SORBS2: variants seen among roughly 807,000 people sequenced by gnomAD.
SORBS2 encodes the protein sorbin and SH3 domain-containing protein 2.
A neutral mutation model predicts 97.7 loss-of-function variants in SORBS2; 46 were observed. The observed-to-expected ratio is 0.47, with a 90% CI of 0.37 to 0.60. SORBS2 has a LOEUF of 0.60. SORBS2 is among the 20% of genes least tolerant of loss of function. SORBS2 has a pLI of 0.00. For synonymous variants in SORBS2, 476 were observed against 473.4 expected, an observed-to-expected ratio of 1.01 and a Z score of -0.07; for missense variants, 1,316 against 1,282.3, an observed-to-expected ratio of 1.03 and a Z score of -0.40.
At chr4:185,701,329 A>G (rs562692285) in intron 2 of SORBS2, among the ~76,000 whole-genome samples, 1 of 152,208 alleles carries the variant, frequency 6.6e-6, no homozygotes, top group Non-Finnish European at 1.5e-5. Flanking sequence ...ATCACCTTAC[A>G]GATCCAACCT....
At chr4:185,633,790 T>C (rs2096947244) in intron 4 of SORBS2, among the ~76,000 whole-genome samples, 1 of 80,934 alleles carries the variant, frequency 1.2e-5, no homozygotes, top group Admixed American at 1.1e-4. Context: ...TGCACTCTAC[T>C]TTTTTTTTTA....
chr4:185,721,785 A>T (rs1275110528), intron 2 of SORBS2, among the ~76,000 whole-genome samples: 4 of 152,236 alleles, frequency 2.6e-5, no homozygotes, highest in Non-Finnish European at 5.9e-5. Context: ...AATCAATCAC[A>T]TGAGGAGTGG....
intron 1 of SORBS2, chr4:185,810,890 T>C (rs1212209138): frequency 2.0e-5 from 3 of 152,188 alleles, no homozygotes; most frequent in African/African-American, 7.2e-5. Flanking sequence ...GAAACCTATC[T>C]GCTTGTGAGA....
intron 4 of SORBS2, among the ~76,000 whole-genome samples, chr4:185,631,769 A>AG (rs1462115005): frequency 7.9e-6 from 1 of 125,980 alleles, no homozygotes; most frequent in East Asian, 2.0e-4. Flanking sequence ...TCTCAAAAAA[A>AG]CAAAAACAAA....
chr4:185,715,979 T>C (rs984001257), intron 2 of SORBS2, among the ~76,000 whole-genome samples: 2 of 152,248 alleles, frequency 1.3e-5, no homozygotes, highest in African/African-American at 4.8e-5. Context: ...AACATCTTTT[T>C]CTATGGCAAG....
chr4:185,597,458 T>G (rs1462422415), intron 12 of SORBS2, among the ~76,000 whole-genome samples: 2 of 152,214 alleles, frequency 1.3e-5, no homozygotes, highest in South Asian at 2.1e-4. Flanking sequence ...CAACTCCATT[T>G]TGCAGAATGG....
At chr4:185,894,926 T>G (rs2099244284) in intron 1 of SORBS2, among the ~76,000 whole-genome samples, 1 of 152,162 alleles carries the variant, frequency 6.6e-6, no homozygotes, top group South Asian at 2.1e-4. Flanking sequence ...GGGGAGCCAG[T>G]GACTGAGCCG....
chr4:185,865,151 C>T (rs990270873), intron 1 of SORBS2, among the ~76,000 whole-genome samples: 1 of 152,092 alleles, frequency 6.6e-6, no homozygotes, highest in Non-Finnish European at 1.5e-5. Flanking sequence ...GATATGGCTG[C>T]CAAGATGGAG....
intron 2 of SORBS2, among the ~76,000 whole-genome samples, chr4:185,731,828 CTCTT>C (rs1458964791): frequency 2.3e-5 from 2 of 88,628 alleles, no homozygotes; most frequent in South Asian, 4.6e-4. Context: ...GCCTGTCTCT[CTCTT>C]TCTCTCTCTC....
At chr4:185,795,403 T>C (rs1212557831) in intron 1 of SORBS2, among the ~76,000 whole-genome samples, 1 of 152,132 alleles carries the variant, frequency 6.6e-6, no homozygotes, top group East Asian at 1.9e-4. Flanking sequence ...CTTTGATCTG[T>C]ACCTTCAGAG....
intron 1 of SORBS2, among the ~76,000 whole-genome samples, chr4:185,797,430 A>G (rs950252329): frequency 1.3e-5 from 2 of 152,102 alleles, no homozygotes; most frequent in Non-Finnish European, 2.9e-5. Flanking sequence ...TTTCCTCTGT[A>G]AAGAAGCTCC....
exon 15 of SORBS2, chr4:185,586,440 C>T (rs1402130103): frequency 1.3e-5 from 2 of 152,702 alleles, no homozygotes; most frequent in Middle Eastern, 3.4e-3. Flanking sequence ...CAACATATTC[C>T]TGTCCTCAAA....
chr4:185,898,089 T>G (rs2099245918), intron 1 of SORBS2, among the ~76,000 whole-genome samples: 1 of 152,190 alleles, frequency 6.6e-6, no homozygotes, highest in Admixed American at 6.5e-5. Context: ...GGGCTAACAT[T>G]CCATCTAAGC....
intron 1 of SORBS2, among the ~76,000 whole-genome samples, chr4:185,929,106 T>C (rs951282440): frequency 1.3e-5 from 2 of 152,178 alleles, no homozygotes; most frequent in African/African-American, 4.8e-5. Flanking sequence ...TTTCCACCTA[T>C]AGAAAGAGAA....
At chr4:185,847,611 A>G (rs2099215342) in intron 1 of SORBS2, among the ~76,000 whole-genome samples, 1 of 152,148 alleles carries the variant, frequency 6.6e-6, no homozygotes. Flanking sequence ...CATGTGTGAA[A>G]TTCCACTCCA....
At chr4:185,651,763 G>A (rs375562686) in intron 2 of SORBS2, 21 bp downstream of exon 11, 22 of 1,399,788 alleles carry the variant, frequency 1.6e-5, no homozygotes, top group Non-Finnish European at 2.0e-5. Context: ...TAGTCATTGC[G>A]AGCAAGGAAA....
intron 1 of SORBS2, among the ~76,000 whole-genome samples, chr4:185,831,242 T>C (rs1253999607): frequency 1.3e-5 from 2 of 152,188 alleles, no homozygotes; most frequent in African/African-American, 4.8e-5. Context: ...CCAAGACTCC[T>C]ACAGGAGCAG....
Position 185,719,865 on chromosome 4 carries a change from T to C in SORBS2, c.-197-41043A>G, listed in dbSNP as rs374497341. On this transcript the variant is annotated intron_variant, in intron 2 of 20. Coordinates refer to the SORBS2 transcript ENST00000284776. ...TCCTCTTGCACCCAGTCCCTCTTCT[T>C]AATTTATAACGGAAGTTTCAGCTGA... Among the ~76,000 whole-genome samples, 9 of 152,376 alleles carry C rather than the reference T, an allele frequency of 5.9e-5. No individual in the cohort carries two copies. The East Asian group carries it at 1.7e-3, about 29-fold the overall frequency.
At chr4:185,784,213 G>C (rs2099045150) in intron 1 of SORBS2, among the ~76,000 whole-genome samples, 1 of 152,094 alleles carries the variant, frequency 6.6e-6, no homozygotes, top group Non-Finnish European at 1.5e-5. Context: ...CTCACTGCAA[G>C]CTCTGCCTCC....
Sources: allele counts gnomAD v4.1 joint callset (sites outside exome capture counted in the v4.1 genomes callset), GRCh38; gene constraint gnomAD v4.1.1; transcripts MANE v1.5; gene names NCBI Gene and HGNC (gene_info 2026-07-23, HGNC 2026-07-21).